MAGI1: variants seen among roughly 807,000 people sequenced by gnomAD.
MAGI1 encodes membrane-associated guanylate kinase, WW and PDZ domain-containing protein 1.
In MAGI1, 58 loss-of-function variants were observed where a neutral mutation model predicts 139.9. The observed-to-expected ratio is 0.41, with a 90% CI of 0.34 to 0.52. MAGI1 has a LOEUF of 0.52. Ranked by LOEUF, MAGI1 falls within the 20% of genes least tolerant of loss-of-function variation. The pLI, the probability that MAGI1 is intolerant of heterozygous loss-of-function variation, is 0.12. For missense variants in MAGI1, 1,874 were observed against 1,901.6 expected (o/e 0.99, Z 0.27); for synonymous variants, 812 against 737.9 (o/e 1.10, Z -1.63).
rs1309882563 is a variant in MAGI1 at position 65,709,260 on chromosome 3, T to A, written c.314-87172A>T. 2.0e-5 allele frequency among the ~76,000 whole-genome samples: 3 copies of A among 152,192 alleles called. No individual in the cohort carries two copies. The East Asian group carries it at 5.8e-4, about 29-fold the overall frequency. ...GCTCAACACATTTCTTATACCAATC[T>A]CCAAAGCAAGGGCAGTCAGTGGCAT... On this transcript the variant is annotated intron_variant, in intron 1 of 22. Coordinates refer to ENST00000402939, the MANE Select transcript of MAGI1 (RefSeq NM_001033057.2).
chr3:65,728,241 T>G (rs1260248610), intron 1 of MAGI1, among the ~76,000 whole-genome samples: 2 of 151,850 alleles, frequency 1.3e-5, no homozygotes, highest in Admixed American at 6.6e-5. Context: ...AGCAAATGCT[T>G]TGAGATGGAA....
intron 2 of MAGI1, among the ~76,000 whole-genome samples, chr3:65,589,660 C>T (rs1332264604): frequency 6.6e-6 from 1 of 151,558 alleles, no homozygotes; most frequent in Non-Finnish European, 1.5e-5. Context: ...TGTGTAGTCT[C>T]TGTCACAACT....
At chr3:65,701,791 A>G (rs2089630667) in intron 1 of MAGI1, among the ~76,000 whole-genome samples, 1 of 152,210 alleles carries the variant, frequency 6.6e-6, no homozygotes, top group African/African-American at 2.4e-5. Flanking sequence ...ATTTCTAACA[A>G]AAAGATATAT....
intron 2 of MAGI1, among the ~76,000 whole-genome samples, chr3:65,513,333 AG>A (rs1268147259): frequency 1.1e-3 from 34 of 29,680 alleles, no homozygotes; most frequent in Non-Finnish European, 1.5e-3. Context: ...AAGGAAATAA[AG>A]GGTATTCAAT....
intron 2 of MAGI1, among the ~76,000 whole-genome samples, chr3:65,611,641 T>TATACTAGTATATACAGTATATATATACA: frequency 6.9e-6 from 1 of 144,808 alleles, no homozygotes; most frequent in African/African-American, 2.5e-5. Context: ...ATATATATAC[T>TATACTAGTATATACAGTATATATATACA]AGTATTATAT....
At chr3:65,538,403 T>TAA (rs2079055554) in intron 2 of MAGI1, among the ~76,000 whole-genome samples, 1 of 152,160 alleles carries the variant, frequency 6.6e-6, no homozygotes, top group South Asian at 2.1e-4. Flanking sequence ...CATGTGGTGA[T>TAA]AAAAAACACT....
intron 1 of MAGI1, among the ~76,000 whole-genome samples, chr3:65,726,713 A>C (rs2033647417): frequency 6.6e-6 from 1 of 152,134 alleles, no homozygotes; most frequent in South Asian, 2.1e-4. Context: ...GGTTCCTAGA[A>C]ACACTGACGC....
chr3:65,928,851 C>T (rs2062653086), intron 1 of MAGI1, among the ~76,000 whole-genome samples: 1 of 152,036 alleles, frequency 6.6e-6, no homozygotes, highest in Non-Finnish European at 1.5e-5. Flanking sequence ...AATAATGAAA[C>T]CTTCTCTGTA....
At chr3:65,957,903 A>C (rs2064214229) in intron 1 of MAGI1, among the ~76,000 whole-genome samples, 1 of 151,930 alleles carries the variant, frequency 6.6e-6, no homozygotes, top group Admixed American at 6.6e-5. Flanking sequence ...CAAGTAGCTG[A>C]GATTACATGC....
Position 65,491,862 on chromosome 3 carries a change from G to A in MAGI1, c.550+1650C>T, listed in dbSNP as rs542047403. On this transcript the variant is annotated intron_variant, in intron 3 of 22. Coordinates refer to ENST00000402939, the MANE Select transcript of MAGI1 (RefSeq NM_001033057.2). ...ACAAAAATTCCTGATTCATGAGCAG[G>A]AATTTGATTAATATACACTGTCTAC... 3.8e-4 allele frequency among the ~76,000 whole-genome samples: 58 copies of A among 152,108 alleles called. No homozygotes were observed. In the Middle Eastern group the frequency reaches 0.01, roughly 27 times the overall value.
In MAGI1 at chr3:65,429,752, A is replaced by G; in HGVS notation, c.1935T>C (p.His645=). 6.2e-7 allele frequency: 1 copy of G among 1,613,980 alleles called. No homozygotes were observed. The highest frequency in any genetic ancestry group is 8.5e-7 in the Non-Finnish European group (1 of 1,179,958). Residue 645 remains histidine, a synonymous_variant, in exon 12 of 23, where the codon CAT becomes CAC. Transcript: ENST00000402939. The part of the protein sequence containing the change: ...IATQPELITV[H]IVKGPMGFGF... ...CAAAGCCCATTGGCCCTTTGACAAT[A>G]TGAACAGTTATGAGTTCTGGCTGAG...
intron 1 of MAGI1, among the ~76,000 whole-genome samples, chr3:65,900,068 C>T (rs927141535): frequency 6.6e-6 from 1 of 152,090 alleles, no homozygotes; most frequent in Non-Finnish European, 1.5e-5. Context: ...TATCATGTGT[C>T]CCATGATTAC....
rs143493802 is a variant in MAGI1, at chr3:65,365,637, T to A, written c.3197-691A>T. On this transcript the variant is annotated intron_variant, in intron 18 of 22. Transcript: ENST00000402939. Reference sequence around the variant, plus strand: ...AGCAAGTTGTATTTTTAATATTTAATTGTAGGTTGACTGAAACTCGTCATA... The same window carrying A: ...AGCAAGTTGTATTTTTAATATTTAAATGTAGGTTGACTGAAACTCGTCATA... Among the ~76,000 whole-genome samples, 430 of 152,294 alleles carry A rather than the reference T, an allele frequency of 2.8e-3. 7 individuals carry two copies. Among genetic ancestry groups the A allele is most frequent in the East Asian group, 3.9e-3 (20 of 5,186 alleles).
chr3:65,700,502 C>T (rs2089521082), intron 1 of MAGI1, among the ~76,000 whole-genome samples: 1 of 152,006 alleles, frequency 6.6e-6, no homozygotes, highest in Non-Finnish European at 1.5e-5. Flanking sequence ...TTTCATTCTA[C>T]CATTTGACCA....
intron 1 of MAGI1, among the ~76,000 whole-genome samples, chr3:65,952,423 G>A (rs2063909854): frequency 6.6e-6 from 1 of 152,190 alleles, no homozygotes; most frequent in Non-Finnish European, 1.5e-5. Flanking sequence ...AGCAAGGAGT[G>A]TATATTTAAA....
chr3:65,531,697 T>G (rs1258156006), intron 2 of MAGI1, among the ~76,000 whole-genome samples: 1 of 152,180 alleles, frequency 6.6e-6, no homozygotes, highest in Non-Finnish European at 1.5e-5. Flanking sequence ...CATACACGCC[T>G]TGGGGCCAGA....
chr3:65,539,932 A>T (rs919283321), intron 2 of MAGI1, among the ~76,000 whole-genome samples: 48 of 152,238 alleles, frequency 3.2e-4, no homozygotes, highest in Non-Finnish European at 1.3e-4. Flanking sequence ...CTTTAAACAA[A>T]GTTTGGATTT....
chr3:65,832,832 T>G (rs1385567540), intron 1 of MAGI1, among the ~76,000 whole-genome samples: 1 of 152,140 alleles, frequency 6.6e-6, no homozygotes, highest in Non-Finnish European at 1.5e-5. Flanking sequence ...CCATTATGGA[T>G]ACTATTTTGT....
intron 22 of MAGI1, chr3:65,359,404 C>T (rs181921894): frequency 6.8e-4 from 851 of 1,254,174 alleles, no homozygotes; most frequent in Non-Finnish European, 8.2e-4. Context: ...ACCCAGACAA[C>T]GAATGCATCC....
Sources: allele counts gnomAD v4.1 joint callset (sites outside exome capture counted in the v4.1 genomes callset), GRCh38; gene constraint gnomAD v4.1.1; transcripts MANE v1.5; gene names NCBI Gene and HGNC (gene_info 2026-07-23, HGNC 2026-07-21).